The following SYT13 variants were observed in gnomAD, a reference collection of about 807,000 sequenced individuals.
SYT13 encodes the protein synaptotagmin-13.
A neutral mutation model predicts 38.6 loss-of-function variants in SYT13; 21 were observed. That is an observed-to-expected ratio of 0.54 (90% CI 0.39 to 0.78). SYT13 has a LOEUF of 0.78. Among genes scored for constraint, SYT13 ranks in the 30% least tolerant of loss-of-function variants. The pLI, the probability that SYT13 is intolerant of heterozygous loss-of-function variation, is 0.00. For missense variants in SYT13, 495 were observed against 548.7 expected, an observed-to-expected ratio of 0.90 and a Z score of 0.98; for synonymous variants, 241 against 237.6, an observed-to-expected ratio of 1.01 and a Z score of -0.13.
At position 45,244,075 on chromosome 11, in the gene SYT13, T is replaced by C. The variant is rs1854584999; in HGVS notation, c.1258A>G (p.Met420Val). The C allele has an allele frequency of 1.2e-6, 2 of 1,604,972 alleles. No individual in the cohort carries two copies. Among genetic ancestry groups the C allele is most frequent in the African/African-American group, 1.3e-5 (1 of 74,970 alleles). The change falls in exon 6 of 6, where the codon ATG (methionine) becomes GTG (valine). Residue 420 changes from methionine (M) to valine (V), a missense_variant. Met to Val is a conservative substitution (Grantham distance 21). Coordinates refer to ENST00000020926, the MANE Select transcript of SYT13 (RefSeq NM_020826.3). The part of the protein sequence containing the change: ...MLKNPRRQIA[M>V]WHQLHL ...GGTTACAGGTGCAGCTGGTGCCACA[T>C]GGCAATCTGCCGGCGAGGGTTTTTG...
chr11:45,275,083 C>T (rs1854993666), intron 1 of SYT13, among the ~76,000 whole-genome samples: 1 of 152,094 alleles, frequency 6.6e-6, no homozygotes, highest in South Asian at 2.1e-4. Flanking sequence ...CTTCTCTGTG[C>T]CTGTGGTTTT....
intron 1 of SYT13, among the ~76,000 whole-genome samples, chr11:45,284,989 A>G (rs536798615): frequency 1.3e-5 from 2 of 152,276 alleles, no homozygotes; most frequent in East Asian, 1.9e-4. Flanking sequence ...TGAATTATTG[A>G]TTGGAAAAAG....
intron 1 of SYT13, among the ~76,000 whole-genome samples, chr11:45,256,598 C>G (rs1419104916): frequency 6.6e-6 from 1 of 152,232 alleles, no homozygotes; most frequent in African/African-American, 2.4e-5. Context: ...ACATCCCACT[C>G]TTTGCTTCAC....
At chr11:45,261,643 C>A (rs779580845) in intron 1 of SYT13, among the ~76,000 whole-genome samples, 2 of 150,330 alleles carry the variant, frequency 1.3e-5, no homozygotes, top group African/African-American at 4.9e-5. Flanking sequence ...TAGCCAGCCA[C>A]GGTGACTCAT....
At chr11:45,271,101 C>T (rs893385325) in intron 1 of SYT13, among the ~76,000 whole-genome samples, 1 of 152,162 alleles carries the variant, frequency 6.6e-6, no homozygotes, top group Non-Finnish European at 1.5e-5. Context: ...TTCTCCTACC[C>T]TGTGCTCAAG....
At chr11:45,258,438 C>G (rs1854775148) in intron 1 of SYT13, 1 of 152,164 alleles carries the variant, frequency 6.6e-6, no homozygotes, top group Admixed American at 6.5e-5. Context: ...GGGCCGTCAC[C>G]TTAAGTGACA....
intron 2 of SYT13, chr11:45,254,693 T>A (rs1426801242): frequency 3.2e-6 from 1 of 307,910 alleles, no homozygotes; most frequent in African/African-American, 2.2e-5. Flanking sequence ...GCCTACATAT[T>A]CTTTGGGTCA....
Position 45,286,086 on chromosome 11 carries a change from G to A in SYT13, c.122C>T (p.Pro41Leu), listed in dbSNP as rs1264564616. 2 of 1,608,280 alleles carry A rather than the reference G, an allele frequency of 1.2e-6. No individual in the cohort carries two copies. The highest frequency in any genetic ancestry group is 8.5e-7 in the Non-Finnish European group (1 of 1,178,960). ...CTCCAGGTCGGGGTCCTGGTCCCGC[G>A]GCAGCAGCCCCTTCTTGGGGTGCAT... is the stretch of plus-strand genomic sequence containing the variant. ...RHMHPKKGLL[P>L]RDQDPDLEKA... is the part of the protein sequence containing the mutation. The change falls in exon 1 of 6, where the codon CCG becomes CTG. Residue 41 changes from proline to leucine, a missense_variant. Coordinates refer to ENST00000020926, the MANE Select transcript of SYT13 (RefSeq NM_020826.3).
At chr11:45,259,569 C>T (rs1422366599) in intron 1 of SYT13, among the ~76,000 whole-genome samples, 2 of 152,108 alleles carry the variant, frequency 1.3e-5, no homozygotes, top group African/African-American at 4.8e-5. Flanking sequence ...AAAGATTGGG[C>T]ATTTCTTGGT....
chr11:45,248,992 A>G (rs1219628011), intron 4 of SYT13, among the ~76,000 whole-genome samples: 1 of 152,228 alleles, frequency 6.6e-6, no homozygotes, highest in Non-Finnish European at 1.5e-5. Flanking sequence ...TTAGTGAACC[A>G]TGCAAGACTA....
intron 1 of SYT13, among the ~76,000 whole-genome samples, chr11:45,273,131 G>A (rs1042972674): frequency 2.0e-5 from 3 of 152,178 alleles, no homozygotes; most frequent in African/African-American, 4.8e-5. Flanking sequence ...ATGTATGGAG[G>A]GTTAAGGAAA....
intron 1 of SYT13, among the ~76,000 whole-genome samples, chr11:45,266,670 C>T (rs1244673143): frequency 1.3e-5 from 2 of 152,190 alleles, no homozygotes; most frequent in East Asian, 1.9e-4. Context: ...GGAACAGCCT[C>T]GCTATCCTTT....
intron 1 of SYT13, among the ~76,000 whole-genome samples, chr11:45,273,048 G>A (rs1295050888): frequency 6.6e-6 from 1 of 152,188 alleles, no homozygotes; most frequent in Non-Finnish European, 1.5e-5. Flanking sequence ...CTATCAATAA[G>A]GGTTTTTGCA....
chr11:45,252,703 G>A lies in SYT13; in HGVS notation c.564C>T (p.Asp188=), dbSNP rs777736166. ...TRLEAVTSNH[D]GGCDCYVQGS... ...CTTGGACGTAGCAGTCACAGCCTCC[G>A]TCGTGGTTGCTGGTCACAGCTGCAG... The change falls in exon 4 of 6, where the codon GAC becomes GAT. Residue 188 remains aspartate, a synonymous_variant. Transcript: ENST00000020926. The surrounding 1 kb of genome is among the most constrained non-coding windows in gnomAD (Gnocchi z 4.3). 29 of 1,579,968 alleles carry A rather than the reference G, an allele frequency of 1.8e-5. No homozygotes were observed. The highest frequency in any genetic ancestry group is 4.5e-5 in the South Asian group (4 of 87,998).
chr11:45,283,832 CTTA>C (rs1855103450), intron 1 of SYT13, among the ~76,000 whole-genome samples: 1 of 152,244 alleles, frequency 6.6e-6, no homozygotes, highest in Admixed American at 6.5e-5. Flanking sequence ...TCTACAATTT[CTTA>C]TTGGACACCT....
chr11:45,247,700 C>T (rs1239715047), intron 4 of SYT13, among the ~76,000 whole-genome samples: 1 of 152,204 alleles, frequency 6.6e-6, no homozygotes, highest in Non-Finnish European at 1.5e-5. Context: ...TCTTTGCTCA[C>T]TGTGGCCTCT....
chr11:45,285,208 AT>A (rs1855119262), intron 1 of SYT13, among the ~76,000 whole-genome samples: 2 of 152,336 alleles, frequency 1.3e-5, no homozygotes, highest in South Asian at 4.1e-4. Context: ...GTCACAGCCT[AT>A]GCAGGGAAAT....
intron 1 of SYT13, among the ~76,000 whole-genome samples, chr11:45,263,154 G>A (rs796306668): frequency 8.5e-5 from 13 of 152,300 alleles, no homozygotes; most frequent in Admixed American, 2.6e-4. Context: ...CAGATGGCAC[G>A]GGGGGTGGAA....
chr11:45,263,636 C>T (rs751281895), intron 1 of SYT13, among the ~76,000 whole-genome samples: 2 of 152,202 alleles, frequency 1.3e-5, no homozygotes, highest in South Asian at 2.1e-4. Context: ...GCTAAGCCCC[C>T]GCCAAGGGGG....
Sources: gnomAD v4.1 joint callset for allele counts (sites outside exome capture counted in the v4.1 genomes callset) on GRCh38, gnomAD v4.1.1 for gene constraint, Gnocchi (gnomAD v3.1) non-coding constraint, MANE v1.5 for transcripts, NCBI Gene and HGNC (gene_info 2026-07-23, HGNC 2026-07-21) for gene names.